LRBA: variants seen among roughly 807,000 people sequenced by gnomAD.
The protein encoded by LRBA is lipopolysaccharide-responsive and beige-like anchor protein.
LRBA carries 176 observed loss-of-function variants against 330.0 expected under a neutral mutation model. That is an observed-to-expected ratio of 0.53 (90% CI 0.47 to 0.60). The LOEUF (loss-of-function observed/expected upper bound fraction) is 0.60. Among genes scored for constraint, LRBA ranks in the 20% least tolerant of loss-of-function variants. LRBA has a pLI of 0.00. For synonymous variants in LRBA, 1,230 were observed against 1,193.0 expected (o/e 1.03, Z -0.64); for missense variants, 3,259 against 3,444.8 (o/e 0.95, Z 1.35).
At chr4:150,906,433 A>G (rs1440339367) in intron 11 of LRBA, 28 bp from the exon 12 acceptor site, 1 of 1,200,034 alleles carries the variant, frequency 8.3e-7, no homozygotes, top group African/African-American at 1.5e-5. Context: ...GGCGATGATT[A>G]AAAAAACATA....
At chr4:150,873,467 T>G (rs1019805928) in intron 17 of LRBA, among the ~76,000 whole-genome samples, 1 of 151,900 alleles carries the variant, frequency 6.6e-6, no homozygotes, top group Non-Finnish European at 1.5e-5. Flanking sequence ...GGCATGTGCC[T>G]CTAATCCAGC....
chr4:150,897,833 T>A lies in LRBA; in HGVS notation c.1925-15A>T. ...TCGCGGTCCATCTTTTAAAAAAATATACACATACACATTTAGTATTTAAAG... is the reference window on the plus strand; with the variant it reads ...TCGCGGTCCATCTTTTAAAAAAATAAACACATACACATTTAGTATTTAAAG... On this transcript the variant is annotated splice_polypyrimidine_tract_variant and intron_variant, in intron 14 of 56. Coordinates refer to ENST00000651943, the MANE Select transcript of LRBA (RefSeq NM_001364905.1). 1 of 1,531,414 alleles carries A rather than the reference T, an allele frequency of 6.5e-7. No homozygotes were observed. 94.9% of individuals were successfully genotyped at this position (1,531,414 alleles called of 1,614,324 possible). A position where few individuals can be genotyped will look rare whatever the true frequency, so the allele number is the denominator to read the frequency against.
At chr4:150,565,811 G>T (rs1188704032) in intron 40 of LRBA, among the ~76,000 whole-genome samples, 1 of 152,010 alleles carries the variant, frequency 6.6e-6, no homozygotes, top group African/African-American at 2.4e-5. Context: ...TAAATTTACT[G>T]AATAAAGACA....
At chr4:150,706,068 ACT>A (rs1039999799) in intron 36 of LRBA, among the ~76,000 whole-genome samples, 1 of 151,886 alleles carries the variant, frequency 6.6e-6, no homozygotes, top group Non-Finnish European at 1.5e-5. Flanking sequence ...AAATGAAAAC[ACT>A]CTTTTGAATC....
Position 150,282,571 on chromosome 4 carries a change from G to T in LRBA, c.8195C>A (p.Pro2732Gln). ...TLEGPENCLK[P>Q]KLIQASREGH... is the part of the protein sequence containing the mutation. ...CTCTCTTGAAGCCTGAATGAGTTTT[G>T]GTTTCAGGCAGTTTTCAGGACCCTC... The change falls in exon 55 of 57, where the codon CCA becomes CAA. Residue 2732 changes from proline to glutamine, a missense_variant. Physicochemically the swap from Pro to Gln is moderately conservative, Grantham distance 76 (BLOSUM62 -1). Coordinates refer to ENST00000651943, the MANE Select transcript of LRBA (RefSeq NM_001364905.1). 1 of 1,613,914 alleles carries T rather than the reference G, an allele frequency of 6.2e-7. No homozygotes were observed. The highest frequency in any genetic ancestry group is 2.2e-5 in the East Asian group (1 of 44,866).
chr4:150,691,626 G>A (rs1784146876), intron 36 of LRBA, among the ~76,000 whole-genome samples: 1 of 152,104 alleles, frequency 6.6e-6, no homozygotes, highest in Non-Finnish European at 1.5e-5. Context: ...CAACTACTTT[G>A]GAAAATAGTT....
chr4:150,627,615 A>G (rs956189580), intron 37 of LRBA, among the ~76,000 whole-genome samples: 1 of 152,056 alleles, frequency 6.6e-6, no homozygotes, highest in Non-Finnish European at 1.5e-5. Flanking sequence ...AAATATTTAC[A>G]TAATAATATG....
chr4:150,609,875 A>C (rs1775050645), intron 37 of LRBA, among the ~76,000 whole-genome samples: 1 of 152,224 alleles, frequency 6.6e-6, no homozygotes, highest in African/African-American at 2.4e-5. Flanking sequence ...TAGCAGGAGC[A>C]GGGTTTGATA....
At chr4:150,338,372 A>C (rs913177197) in intron 48 of LRBA, among the ~76,000 whole-genome samples, 61 of 152,332 alleles carry the variant, frequency 4.0e-4, no homozygotes, top group Admixed American at 2.6e-3. Flanking sequence ...CGTGAAAAGT[A>C]AAGAAGAAAA....
chr4:150,426,590 T>C (rs1463803186), intron 46 of LRBA, among the ~76,000 whole-genome samples: 1 of 151,918 alleles, frequency 6.6e-6, no homozygotes, highest in Non-Finnish European at 1.5e-5. Context: ...ACATAAGATA[T>C]TATTATCATT....
intron 37 of LRBA, among the ~76,000 whole-genome samples, chr4:150,641,729 T>G (rs919424839): frequency 2.0e-5 from 3 of 152,048 alleles, no homozygotes; most frequent in African/African-American, 7.2e-5. Context: ...AGTTTAGGGG[T>G]ATAGGAGTTG....
At chr4:150,917,132 G>A (rs746919000) in intron 5 of LRBA, among the ~76,000 whole-genome samples, 9 of 150,682 alleles carry the variant, frequency 6.0e-5, no homozygotes, top group East Asian at 3.9e-4. Context: ...CAGCCTGGGC[G>A]AAAGAGCAAG....
At position 150,603,337 on chromosome 4, in the gene LRBA, G is replaced by GT. The variant is rs1334234450; in HGVS notation, c.5922-4207dup. ...CAGAGTCTGAAGTTAAAATTACCATGTAAGTCTATTGGACTTTTCTACATA... is the reference window on the plus strand; with the variant it reads ...CAGAGTCTGAAGTTAAAATTACCATGTTAAGTCTATTGGACTTTTCTACATA... On this transcript the variant is annotated intron_variant, in intron 37 of 56. Coordinates refer to ENST00000651943, the MANE Select transcript of LRBA (RefSeq NM_001364905.1). Among the ~76,000 whole-genome samples, 3 of 152,130 alleles carry GT rather than the reference G, an allele frequency of 2.0e-5. No homozygotes were observed. The East Asian group carries it at 5.8e-4, about 29-fold the overall frequency.
intron 34 of LRBA, among the ~76,000 whole-genome samples, chr4:150,785,702 T>C (rs550813683): frequency 1.6e-4 from 24 of 152,262 alleles, no homozygotes; most frequent in African/African-American, 5.5e-4. Flanking sequence ...ATGATAATAA[T>C]GTACTTGACC....
chr4:150,820,171 T>G (rs1304688774), intron 30 of LRBA, among the ~76,000 whole-genome samples: 1 of 151,958 alleles, frequency 6.6e-6, no homozygotes, highest in Non-Finnish European at 1.5e-5. Flanking sequence ...TTAATTCAAT[T>G]TTTAGAAATT....
rs1394158356 is a variant in LRBA at position 150,667,953 on chromosome 4, GAAC to G, written c.5921+15595_5921+15597del. Among the ~76,000 whole-genome samples the G allele has an allele frequency of 3.3e-5, 5 of 152,300 alleles. No homozygotes were observed. In the East Asian group the frequency reaches 9.6e-4, roughly 29 times the overall value. ...CCCATTTCAGACTTCTGAACTTCCAGAACAACTGTGTTATTCAAGCCAGTAAAT... is the reference window on the plus strand; with the variant it reads ...CCCATTTCAGACTTCTGAACTTCCAGAACTGTGTTATTCAAGCCAGTAAAT... On this transcript the variant is annotated intron_variant, in intron 37 of 56. Coordinates refer to ENST00000651943, the MANE Select transcript of LRBA (RefSeq NM_001364905.1).
intron 42 of LRBA, among the ~76,000 whole-genome samples, chr4:150,487,069 GCTA>G (rs1302700954): frequency 6.6e-6 from 1 of 151,454 alleles, no homozygotes; most frequent in Non-Finnish European, 1.5e-5. Flanking sequence ...CTGTATCTTG[GCTA>G]TTGGGAGTAA....
At chr4:150,415,349 A>G (rs1210075428) in intron 47 of LRBA, 89 bp downstream of exon 47, 2 of 1,173,854 alleles carry the variant, frequency 1.7e-6, no homozygotes, top group African/African-American at 1.5e-5. Context: ...TTTGTCCAGA[A>G]GAGCAAGGGT....
At chr4:150,997,780 T>A (rs530528568) in intron 2 of LRBA, among the ~76,000 whole-genome samples, 1 of 152,138 alleles carries the variant, frequency 6.6e-6, no homozygotes, top group South Asian at 2.1e-4. Context: ...CTTGGCTTAC[T>A]GCAACCTCCG....
Sources: gnomAD v4.1 joint callset for allele counts (sites outside exome capture counted in the v4.1 genomes callset) on GRCh38, gnomAD v4.1.1 for gene constraint, MANE v1.5 for transcripts, NCBI Gene and HGNC (gene_info 2026-07-23, HGNC 2026-07-21) for gene names.